Variants in ITGA4 observed in about 807,000 individuals in gnomAD.
ITGA4 encodes the protein integrin alpha-4.
Under a neutral mutation model 133.6 loss-of-function variants are expected in ITGA4, and 63 were observed. The observed-to-expected ratio is 0.47, with a 90% confidence interval of 0.38 to 0.58. The LOEUF (loss-of-function observed/expected upper bound fraction) is 0.58, where lower values mean the gene tolerates loss of function less well. Ranked by LOEUF, ITGA4 falls within the 20% of genes least tolerant of loss-of-function variation. ITGA4 has a pLI of 0.00. For missense variants in ITGA4, 1,076 were observed against 1,252.7 expected, an observed-to-expected ratio of 0.86 and a Z score of 2.13; for synonymous variants, 483 against 438.0, an observed-to-expected ratio of 1.10 and a Z score of -1.28.
chr2:181,522,830 T>G (rs1031373904), intron 18 of ITGA4, among the ~76,000 whole-genome samples: 1 of 152,358 alleles, frequency 6.6e-6, no homozygotes, highest in Non-Finnish European at 1.5e-5. Flanking sequence ...TGTTACCTTC[T>G]TTCTCTAGTG....
Position 181,526,795 on chromosome 2 carries a change from T to C in ITGA4, c.2340-502T>C, listed in dbSNP as rs1235304505. ...AAAGAATATCGGTGAGGGACAGATA[T>C]TGTCACCCAGGTCAGAGCACATGGC... On this transcript the variant is annotated intron_variant, in intron 21 of 27. Transcript: ENST00000397033. Among the ~76,000 whole-genome samples the C allele has an allele frequency of 8.0e-5, 11 of 138,184 alleles. No homozygotes were observed. In the South Asian group the frequency reaches 2.1e-3, roughly 26 times the overall value. The allele number at this position is 138,184 out of a possible 152,430, so 90.7% of individuals were successfully genotyped here.
chr2:181,509,926 AAAC>A (rs1407679749), intron 16 of ITGA4, 119 bp downstream of exon 16: 1 of 674,630 alleles, frequency 1.5e-6, no homozygotes, highest in Non-Finnish European at 2.5e-6. Context: ...GAATTTTTAA[AAAC>A]AAAAATAGAT....
intron 27 of ITGA4, among the ~76,000 whole-genome samples, chr2:181,535,180 C>T (rs555006953): frequency 5.3e-5 from 8 of 152,156 alleles, no homozygotes; most frequent in East Asian, 1.9e-4. Flanking sequence ...GCAAATTACA[C>T]GGAATGTCAA....
At chr2:181,470,438 T>C (rs1239295134) in intron 2 of ITGA4, among the ~76,000 whole-genome samples, 2 of 152,150 alleles carry the variant, frequency 1.3e-5, no homozygotes, top group South Asian at 2.1e-4. Flanking sequence ...CCCAACCATA[T>C]GCTACAACTA....
At chr2:181,476,123 T>G (rs1574383079) in intron 4 of ITGA4, 2 of 274,706 alleles carry the variant, frequency 7.3e-6, no homozygotes, top group African/African-American at 2.2e-5. Context: ...CAGAGCAGCT[T>G]ATATTACATA....
intron 2 of ITGA4, among the ~76,000 whole-genome samples, chr2:181,472,008 A>G (rs2105723161): frequency 6.6e-6 from 1 of 152,310 alleles, no homozygotes; most frequent in East Asian, 1.9e-4. Context: ...CAGAGAGCTG[A>G]GAGGCACTCA....
chr2:181,538,475 C>T lies in ITGA4; in HGVS notation c.*2948C>T, dbSNP rs1687315035. On this transcript the variant is annotated 3_prime_UTR_variant, in exon 28 of 28. Coordinates refer to ENST00000397033, the MANE Select transcript of ITGA4 (RefSeq NM_000885.6). The stretch of plus-strand genomic sequence containing the variant: ...TTGATTGTCCAATGCTCTCCATTAC[C>T]TCTGTAAAACAGTCAGTTATGCCTC... 6.6e-6 allele frequency among the ~76,000 whole-genome samples: 1 copy of T among 152,214 alleles called. No individual in the cohort carries two copies. The highest frequency in any genetic ancestry group is 2.1e-4 in the South Asian group (1 of 4,828).
At chr2:181,504,490 C>T (rs1686351362) in intron 15 of ITGA4, among the ~76,000 whole-genome samples, 1 of 151,922 alleles carries the variant, frequency 6.6e-6, no homozygotes. Flanking sequence ...ATGTCATTTA[C>T]TCCAAAGAAG....
In ITGA4 at chr2:181,538,937, G is replaced by A. The variant is rs2105786351; in HGVS notation, c.*3410G>A. Among the ~76,000 whole-genome samples the A allele has an allele frequency of 6.6e-6, 1 of 152,186 alleles. No individual in the cohort carries two copies. The highest frequency in any genetic ancestry group is 2.4e-5 in the African/African-American group (1 of 41,532). On this transcript the variant is annotated 3_prime_UTR_variant, in exon 28 of 28. Transcript: ENST00000397033. ...AATGTAAAGTTGCTTTTTATTTATT[G>A]AAATTTGTGCATGTCTCTTTATGCT...
intron 15 of ITGA4, 115 bp downstream of exon 15, chr2:181,498,892 T>C (rs1686212700): frequency 2.2e-6 from 3 of 1,371,168 alleles, no homozygotes; most frequent in East Asian, 2.7e-5. Flanking sequence ...CTGTTACCCC[T>C]CCTGAACTAT....
At position 181,535,642 on chromosome 2, in the gene ITGA4, CT is replaced by C. The variant is rs1488534240; in HGVS notation, c.*117del. The C allele has an allele frequency of 7.5e-7, 1 of 1,338,516 alleles. No homozygotes were observed. Among genetic ancestry groups the C allele is most frequent in the Non-Finnish European group, 1.0e-6 (1 of 995,850 alleles). The allele number at this position is 1,338,516 out of a possible 1,614,324, so 82.9% of individuals were successfully genotyped here. A position where few individuals can be genotyped will look rare whatever the true frequency, so the allele number is the denominator to read the frequency against. Reference sequence around the variant, plus strand: ...TGTTTGGACTTCTTTTACTCATGATCTTGTGACATATTATGTCTTCATGCAA... The same window carrying C: ...TGTTTGGACTTCTTTTACTCATGATCTGTGACATATTATGTCTTCATGCAA... On this transcript the variant is annotated 3_prime_UTR_variant, in exon 28 of 28. Transcript: ENST00000397033.
intron 2 of ITGA4, among the ~76,000 whole-genome samples, chr2:181,468,403 T>G (rs1329488928): frequency 6.6e-6 from 1 of 152,194 alleles, no homozygotes; most frequent in Non-Finnish European, 1.5e-5. Flanking sequence ...GATTTTTTTG[T>G]GGTGATATAA....
In ITGA4 at chr2:181,537,803, T is replaced by C; in HGVS notation, c.*2276T>C. 4.3e-6 allele frequency: 2 copies of C among 466,316 alleles called. No individual in the cohort carries two copies. The highest frequency in any genetic ancestry group is 4.2e-6 in the Non-Finnish European group (1 of 236,042). The allele number at this position is 466,316 out of a possible 1,614,324, so 28.9% of individuals were successfully genotyped here. ...TGAATTGATATTTCATCTTGACTTT[T>C]AAAGCCCTAGAGGCTAATTGTTAGT... On this transcript the variant is annotated 3_prime_UTR_variant, in exon 28 of 28. Coordinates refer to ENST00000397033, the MANE Select transcript of ITGA4 (RefSeq NM_000885.6).
At chr2:181,522,128 C>A in intron 17 of ITGA4, 63 bp from the exon 18 acceptor site, 1 of 906,490 alleles carries the variant, frequency 1.1e-6, no homozygotes, top group Non-Finnish European at 1.7e-6. Context: ...TCCTTGTATG[C>A]ATATAAGAGA....
At chr2:181,527,677 T>G (rs1209968625) in intron 22 of ITGA4, among the ~76,000 whole-genome samples, 2 of 152,154 alleles carry the variant, frequency 1.3e-5, no homozygotes, top group Non-Finnish European at 2.9e-5. Flanking sequence ...TGAGCTGAAT[T>G]TGCTAGAGAC....
At chr2:181,497,816 T>C (rs1293852616) in intron 14 of ITGA4, among the ~76,000 whole-genome samples, 1 of 152,104 alleles carries the variant, frequency 6.6e-6, no homozygotes, top group African/African-American at 2.4e-5. Flanking sequence ...ATTCATGAAA[T>C]GGTTCTCACT....
chr2:181,457,832 A>G lies in ITGA4; in HGVS notation c.178A>G (p.Ser60Gly), dbSNP rs767553351. 1 of 1,612,920 alleles carries G rather than the reference A, an allele frequency of 6.2e-7. No homozygotes were observed. The highest frequency in any genetic ancestry group is 1.1e-5 in the South Asian group (1 of 90,964). ...TLFGYSVVLHSHGANRWLLVG... is the reference protein window; with the variant it reads ...TLFGYSVVLHGHGANRWLLVG... ...GTTCGGCTACTCGGTCGTGCTGCAC[A>G]GCCACGGGGCGAACCGATGGTGAGT... Residue 60 changes from serine (S) to glycine (G), a missense_variant, in exon 1 of 28, where the codon AGC becomes GGC. Transcript: ENST00000397033.
intron 10 of ITGA4, among the ~76,000 whole-genome samples, chr2:181,488,544 G>T (rs1685970565): frequency 6.6e-6 from 1 of 151,562 alleles, no homozygotes; most frequent in Non-Finnish European, 1.5e-5. Flanking sequence ...TTTTCTACTT[G>T]GTCCAGTTCT....
At chr2:181,510,177 TC>T (rs2105756471) in intron 16 of ITGA4, among the ~76,000 whole-genome samples, 1 of 152,222 alleles carries the variant, frequency 6.6e-6, no homozygotes, top group South Asian at 2.1e-4. Context: ...CTTCTCATTT[TC>T]TCCCTTGCTT....
Sources: gnomAD v4.1 joint callset for allele counts (sites outside exome capture counted in the v4.1 genomes callset) on GRCh38, gnomAD v4.1.1 for gene constraint, MANE v1.5 for transcripts, NCBI Gene and HGNC (gene_info 2026-07-23, HGNC 2026-07-21) for gene names.